Variants in PKP1 observed in about 807,000 individuals in gnomAD.
PKP1 encodes plakophilin 1.
Under a neutral mutation model 76.4 loss-of-function variants are expected in PKP1, and 27 were observed. The ratio of observed to expected loss-of-function variants is 0.35; its 90% CI spans 0.26 to 0.49. The LOEUF is 0.49. PKP1 is among the 20% of genes least tolerant of loss of function. The pLI is 0.99. For missense variants in PKP1, 964 were observed against 955.2 expected, an observed-to-expected ratio of 1.01 and a Z score of -0.12; for synonymous variants, 404 against 384.2, an observed-to-expected ratio of 1.05 and a Z score of -0.60.
At chr1:201,296,143 G>A (rs1432185424) in intron 2 of PKP1, among the ~76,000 whole-genome samples, 1 of 152,168 alleles carries the variant, frequency 6.6e-6, no homozygotes, top group Non-Finnish European at 1.5e-5. Flanking sequence ...TCTCCTTTCA[G>A]TTCAGGAGAG....
intron 2 of PKP1, among the ~76,000 whole-genome samples, chr1:201,302,673 T>C (rs1290280666): frequency 6.6e-6 from 1 of 151,836 alleles, no homozygotes; most frequent in African/African-American, 2.4e-5. Flanking sequence ...GAAAACAAAA[T>C]CAGCTCAGGC....
intron 7 of PKP1, 36 bp downstream of exon 7, chr1:201,320,417 GC>G: frequency 7.3e-7 from 1 of 1,365,074 alleles, no homozygotes; most frequent in Non-Finnish European, 1.0e-6. Flanking sequence ...TGACCCCTAG[GC>G]CCAGCCCCCT....
intron 1 of PKP1, among the ~76,000 whole-genome samples, chr1:201,285,636 C>G (rs1272839959): frequency 6.6e-6 from 1 of 152,234 alleles, no homozygotes; most frequent in South Asian, 2.1e-4. Flanking sequence ...TTGGCTGTCC[C>G]CTTCCCACTC....
intron 9 of PKP1, 146 bp downstream of exon 9, chr1:201,323,335 G>A (rs1251553207): frequency 6.6e-6 from 5 of 758,684 alleles, no homozygotes; most frequent in South Asian, 3.1e-5. Context: ...TGGGCTCTGG[G>A]CTGGGCAATG....
At chr1:201,316,767 T>C in intron 4 of PKP1, 70 bp downstream of exon 4, 1 of 1,567,844 alleles carries the variant, frequency 6.4e-7, no homozygotes, top group Admixed American at 1.7e-5. Flanking sequence ...TGACTCCGCT[T>C]TTAGAGATGG....
At chr1:201,295,146 C>G (rs1363334974) in intron 2 of PKP1, among the ~76,000 whole-genome samples, 2 of 152,106 alleles carry the variant, frequency 1.3e-5, no homozygotes, top group Admixed American at 1.3e-4. Flanking sequence ...AGATGTCTCA[C>G]AGATATCACT....
intron 12 of PKP1, chr1:201,328,449 GA>G: frequency 2.4e-6 from 1 of 422,090 alleles, no homozygotes; most frequent in Non-Finnish European, 4.4e-6. Flanking sequence ...TCTCTAATCT[GA>G]TTTTGATTGT....
rs1429820969 is a variant in PKP1, at chr1:201,320,314, C to A, written c.1280C>A (p.Ser427Ter). Reference protein sequence around the residue: ...DAGRQTMRNYSGLIDSLMAYV... With the variant: ...DAGRQTMRNY ...GGCCGCCAGACCATGCGTAACTACTCAGGGCTCATTGATTCCCTCATGGCC... is the reference window on the plus strand; with the variant it reads ...GGCCGCCAGACCATGCGTAACTACTAAGGGCTCATTGATTCCCTCATGGCC... Residue 427 changes from serine to a stop codon, truncating the protein, a stop_gained, in exon 7 of 14, where the codon TCA becomes TAA. Transcript: ENST00000367324. LOFTEE classifies it high-confidence loss of function. 1 of 1,614,034 alleles carries A rather than the reference C, an allele frequency of 6.2e-7. No homozygotes were observed. Among genetic ancestry groups the A allele is most frequent in the Non-Finnish European group, 8.5e-7 (1 of 1,180,006 alleles).
At chr1:201,292,054 C>G (rs1313955384) in intron 1 of PKP1, among the ~76,000 whole-genome samples, 1 of 152,226 alleles carries the variant, frequency 6.6e-6, no homozygotes. Context: ...CAGGATGTTG[C>G]TCATAGGCGG....
intron 7 of PKP1, among the ~76,000 whole-genome samples, chr1:201,320,974 CAG>C (rs1656921070): frequency 6.6e-6 from 1 of 152,104 alleles, no homozygotes; most frequent in South Asian, 2.1e-4. Context: ...CACAGACAAA[CAG>C]AAAGAAAAAA....
At position 201,321,994 on chromosome 1, in the gene PKP1, T is replaced by C; in HGVS notation, c.1364T>C (p.Met455Thr). Reference protein sequence around the residue: ...RCDDKSVENCMCVLHNLSYRL... With the variant: ...RCDDKSVENCTCVLHNLSYRL... Reference sequence around the variant, plus strand: ...GGTCCCCAGTCTGTGGAAAACTGCATGTGTGTTCTGCACAACCTCTCCTAC... The same window carrying C: ...GGTCCCCAGTCTGTGGAAAACTGCACGTGTGTTCTGCACAACCTCTCCTAC... The change falls in exon 8 of 14, where the codon ATG becomes ACG. Residue 455 changes from methionine to threonine, a missense_variant. Physicochemically the swap from Met to Thr is moderately conservative, Grantham distance 81. Transcript: ENST00000367324. 12 of 1,614,122 alleles carry C rather than the reference T, an allele frequency of 7.4e-6. No individual in the cohort carries two copies. Among genetic ancestry groups the C allele is most frequent in the Non-Finnish European group, 1.0e-5 (12 of 1,180,010 alleles).
In PKP1 at chr1:201,332,893, T is replaced by C. The variant is rs1394445213; in HGVS notation, c.*2852T>C. On this transcript the variant is annotated 3_prime_UTR_variant, in exon 14 of 14. Transcript: ENST00000367324. ...CTTGCTTCATGTTTGTAGAGGAACC[T>C]TGTGCCGGCCAGGCCCAGTTTCCTT... 6.6e-6 allele frequency: 1 copy of C among 152,236 alleles called. No individual in the cohort carries two copies. The highest frequency in any genetic ancestry group is 1.5e-5 in the Non-Finnish European group (1 of 68,034). 9.4% of individuals were successfully genotyped at this position (152,236 alleles called of 1,614,324 possible). A position where few individuals can be genotyped will look rare whatever the true frequency, so the allele number is the denominator to read the frequency against.
chr1:201,283,983 C>T (rs1256591557), intron 1 of PKP1, 79 bp downstream of exon 1: 3 of 1,324,482 alleles, frequency 2.3e-6, no homozygotes, highest in East Asian at 2.4e-5. Flanking sequence ...AAGAGACGCA[C>T]GCATCCCCGG....
chr1:201,318,541 C>G, intron 5 of PKP1, 77 bp from the exon 6 acceptor site: 1 of 1,326,462 alleles, frequency 7.5e-7, no homozygotes, highest in South Asian at 1.2e-5. Flanking sequence ...TGCCAGAGTC[C>G]AGGCTGGGGC....
At chr1:201,320,012 A>T in intron 6 of PKP1, 1 of 969,366 alleles carries the variant, frequency 1.0e-6, no homozygotes, top group Non-Finnish European at 1.6e-6. Context: ...AGCCAGGGCC[A>T]GGCGGAATTG....
Position 201,330,170 on chromosome 1 carries a change from A to C in PKP1, c.*129A>C, listed in dbSNP as rs1213665427. 1.3e-5 allele frequency: 2 copies of C among 152,184 alleles called. No individual in the cohort carries two copies. The highest frequency in any genetic ancestry group is 4.2e-4 in the South Asian group (2 of 4,810). 9.4% of individuals were successfully genotyped at this position (152,184 alleles called of 1,614,324 possible). On this transcript the variant is annotated 3_prime_UTR_variant, in exon 14 of 14. Coordinates refer to ENST00000367324, the MANE Select transcript of PKP1 (RefSeq NM_001005337.3). Reference sequence around the variant, plus strand: ...TGGGAAAGTTCACAAGAAACTGAGAAGAAACCTAAAAACTGTGGATAGTGG... The same window carrying C: ...TGGGAAAGTTCACAAGAAACTGAGACGAAACCTAAAAACTGTGGATAGTGG...
chr1:201,322,190 A>G (rs1656969869), intron 8 of PKP1, 57 bp downstream of exon 8: 1 of 1,580,706 alleles, frequency 6.3e-7, no homozygotes, highest in Non-Finnish European at 8.6e-7. Flanking sequence ...CCCAGGAGCC[A>G]CTGCCTCATC....
rs558547271 is a variant in PKP1 at position 201,324,822 on chromosome 1, G to A, written c.1835-119G>A. The A allele has an allele frequency of 1.0e-5, 12 of 1,146,662 alleles. No homozygotes were observed. The African/African-American group carries it at 1.5e-4, about 15-fold the overall frequency. The allele number at this position is 1,146,662 out of a possible 1,614,324, so 71.0% of individuals were successfully genotyped here. On this transcript the variant is annotated intron_variant, in intron 10 of 13. Transcript: ENST00000367324. ...AGTTGGAGCTGCCAGGAAGCCCTGA[G>A]GGCCACCTGGCTCAGAGCCCGGCAG...
At position 201,322,081 on chromosome 1, in the gene PKP1, A is replaced by G. The variant is rs199797105; in HGVS notation, c.1451A>G (p.Tyr484Cys). The G allele has an allele frequency of 8.6e-5, 138 of 1,612,588 alleles. No homozygotes were observed. The East Asian group carries it at 2.8e-3, about 33-fold the overall frequency. ...CTGGAGTATAACGCCCGCAACGCCT[A>G]CACCGAGAAGTCCTCCACTGGCTGC... ...RQLEYNARNAYTEKSSTGCFS... is the reference protein window; with the variant it reads ...RQLEYNARNACTEKSSTGCFS... The change falls in exon 8 of 14, where the codon TAC becomes TGC. Residue 484 changes from tyrosine (Y) to cysteine (C), a missense_variant. Coordinates refer to ENST00000367324, the MANE Select transcript of PKP1 (RefSeq NM_001005337.3).
Sources: gnomAD v4.1 joint callset for allele counts (sites outside exome capture counted in the v4.1 genomes callset) on GRCh38, gnomAD v4.1.1 for gene constraint, MANE v1.5 for transcripts, NCBI Gene and HGNC (gene_info 2026-07-23, HGNC 2026-07-21) for gene names.